The following NCOA2 variants were observed in gnomAD, a reference collection of about 807,000 sequenced individuals.
NCOA2 encodes the protein class E basic helix-loop-helix protein 75.
NCOA2 carries 21 observed loss-of-function variants against 145.1 expected under a neutral mutation model. The ratio of observed to expected loss-of-function variants is 0.14; its 90% CI spans 0.10 to 0.21. The LOEUF (loss-of-function observed/expected upper bound fraction) is 0.21. NCOA2 is among the 10% of genes least tolerant of loss of function. NCOA2 has a pLI of 1.00. For synonymous variants in NCOA2, 619 were observed against 637.5 expected (o/e 0.97, Z 0.44); for missense variants, 1,472 against 1,837.6 (o/e 0.80, Z 3.64).
intron 2 of NCOA2, among the ~76,000 whole-genome samples, chr8:70,288,537 C>T (rs1209761079): frequency 6.6e-6 from 1 of 151,538 alleles, no homozygotes; most frequent in African/African-American, 2.4e-5. Context: ...GCGGAGATTG[C>T]GCCACTGCAC....
At chr8:70,304,619 C>A (rs1827745631) in intron 1 of NCOA2, among the ~76,000 whole-genome samples, 1 of 152,004 alleles carries the variant, frequency 6.6e-6, no homozygotes, top group South Asian at 2.1e-4. Context: ...GTGCCCGCCA[C>A]CATGCCCGGC....
At chr8:70,170,890 G>A (rs1814173107) in intron 5 of NCOA2, among the ~76,000 whole-genome samples, 1 of 152,114 alleles carries the variant, frequency 6.6e-6, no homozygotes, top group African/African-American at 2.4e-5. Flanking sequence ...CGGATTATAT[G>A]AAAAACATCA....
intron 15 of NCOA2, among the ~76,000 whole-genome samples, chr8:70,137,189 G>A (rs956990235): frequency 4.6e-5 from 7 of 152,280 alleles, no homozygotes; most frequent in African/African-American, 7.2e-5. Context: ...ACAGGCATGC[G>A]CCACCACACC....
intron 4 of NCOA2, among the ~76,000 whole-genome samples, chr8:70,182,950 A>G (rs566689692): frequency 1.1e-3 from 161 of 152,352 alleles, no homozygotes; most frequent in Non-Finnish European, 1.9e-3. Context: ...CAAGTATTAA[A>G]TATTATACAT....
the NCOA2 span, among the ~76,000 whole-genome samples, chr8:70,409,526 C>G: frequency 6.6e-6 from 1 of 152,304 alleles, no homozygotes; most frequent in East Asian, 1.9e-4. Flanking sequence ...TCTTACCATA[C>G]ACAAGAATGA....
chr8:70,248,246 C>T (rs1822789863), intron 2 of NCOA2, among the ~76,000 whole-genome samples: 1 of 152,130 alleles, frequency 6.6e-6, no homozygotes, highest in East Asian at 1.9e-4. Context: ...GTGCCATATA[C>T]AGATCTAAAG....
chr8:70,159,236 A>ATACATATATATATATATATATATATG (rs1554578475), intron 10 of NCOA2, among the ~76,000 whole-genome samples: 246 of 16,052 alleles, frequency 0.015, 14 homozygotes, highest in Middle Eastern at 0.15. Flanking sequence ...ATATATATAT[A>ATACATATATATATATATATATATATG]TATATATTTT....
rs573616464 is a variant in NCOA2 at position 70,110,725 on chromosome 8, G to A, written c.*2907C>T. 37 of 221,220 alleles carry A rather than the reference G, an allele frequency of 1.7e-4. No individual in the cohort carries two copies. The highest frequency in any genetic ancestry group is 1.4e-3 in the Middle Eastern group (1 of 712). 13.7% of individuals were successfully genotyped at this position (221,220 alleles called of 1,614,324 possible). A position where few individuals can be genotyped will look rare whatever the true frequency, so the allele number is the denominator to read the frequency against. Reference sequence around the variant, plus strand: ...AAAAACATTGCTTTCAATTATTACAGGCCATAAGAGATACACATAGGGGGA... The same window carrying A: ...AAAAACATTGCTTTCAATTATTACAAGCCATAAGAGATACACATAGGGGGA... On this transcript the variant is annotated 3_prime_UTR_variant, in exon 23 of 23. Transcript: ENST00000452400.
chr8:70,433,355 AAGAG>A, the NCOA2 span, among the ~76,000 whole-genome samples: 3 of 152,160 alleles, frequency 2.0e-5, no homozygotes, highest in African/African-American at 7.2e-5. Flanking sequence ...AAAAAAAAAA[AAGAG>A]GAGTCCACTT....
Position 70,182,060 on chromosome 8 carries a change from T to C in NCOA2, c.260-7201A>G, listed in dbSNP as rs1815543407. On this transcript the variant is annotated intron_variant, in intron 4 of 22. Coordinates refer to ENST00000452400, the MANE Select transcript of NCOA2 (RefSeq NM_006540.4). The stretch of plus-strand genomic sequence containing the variant: ...CTTTGTGAAGCCAGCAGCACATTCT[T>C]ATTCATTAGGAAGCATTCTGCTAAC... 2.6e-5 allele frequency among the ~76,000 whole-genome samples: 4 copies of C among 152,368 alleles called. No individual in the cohort carries two copies. In the South Asian group the frequency reaches 8.3e-4, roughly 32 times the overall value.
chr8:70,351,718 T>C (rs1809249646), intron 1 of NCOA2, among the ~76,000 whole-genome samples: 1 of 150,328 alleles, frequency 6.7e-6, no homozygotes. Flanking sequence ...CCAGAGTAGC[T>C]AGGACTATAG....
At chr8:70,400,247 A>C (rs1485751325) in intron 1 of NCOA2, among the ~76,000 whole-genome samples, 2 of 152,200 alleles carry the variant, frequency 1.3e-5, no homozygotes, top group Non-Finnish European at 2.9e-5. Context: ...CAGTATACTG[A>C]CATCTAAAAG....
chr8:70,160,659 C>CAGAGAGAGAGAG (rs776025101), intron 9 of NCOA2, among the ~76,000 whole-genome samples: 59,736 of 131,820 alleles, frequency 0.45, 14,386 homozygotes, highest in Non-Finnish European at 0.56. Flanking sequence ...AAGTGAGAGA[C>CAGAGAGAGAGAG]AGAGAGAGAG....
At chr8:70,124,137 C>T in intron 20 of NCOA2, 55 bp from the exon 21 acceptor site, 1 of 1,519,130 alleles carries the variant, frequency 6.6e-7, no homozygotes, top group South Asian at 1.2e-5. Context: ...TATCCAGAGG[C>T]AGGCAGCTCA....
At position 70,403,686 on chromosome 8, in the gene NCOA2, G is replaced by T; in HGVS notation, c.-77+14C>A. ...CCCGCCCGCCCTCGCGGCCCCGGGG[G>T]AAGGCGCGGTTACCGGCTCGGGTCG... On this transcript the variant is annotated intron_variant, in intron 1 of 22. Coordinates refer to ENST00000452400, the MANE Select transcript of NCOA2 (RefSeq NM_006540.4). 5.1e-6 allele frequency: 2 copies of T among 389,228 alleles called. No homozygotes were observed. The highest frequency in any genetic ancestry group is 2.1e-5 in the African/African-American group (1 of 48,258). 24.1% of individuals were successfully genotyped at this position (389,228 alleles called of 1,614,324 possible).
At chr8:70,314,214 T>C (rs909936540) in intron 1 of NCOA2, among the ~76,000 whole-genome samples, 2 of 109,388 alleles carry the variant, frequency 1.8e-5, no homozygotes, top group East Asian at 3.9e-4. Context: ...AAAAAGCAAC[T>C]GTCATGTCCA....
intron 16 of NCOA2, among the ~76,000 whole-genome samples, chr8:70,131,341 GAA>G (rs1210935555): frequency 1.3e-5 from 2 of 152,220 alleles, no homozygotes; most frequent in African/African-American, 2.4e-5. Flanking sequence ...TAAAAATGAT[GAA>G]AGAGTTGCAG....
At chr8:70,330,897 T>C (rs1807038308) in intron 1 of NCOA2, among the ~76,000 whole-genome samples, 1 of 152,194 alleles carries the variant, frequency 6.6e-6, no homozygotes, top group East Asian at 1.9e-4. Flanking sequence ...TCTTCAGTTA[T>C]CTGGAAATGG....
chr8:70,220,044 A>G (rs1435902808), intron 2 of NCOA2, among the ~76,000 whole-genome samples: 1 of 152,218 alleles, frequency 6.6e-6, no homozygotes, highest in African/African-American at 2.4e-5. Context: ...GTGTATAGTC[A>G]CTCATAGAGA....
Sources: gnomAD v4.1 joint callset for allele counts (sites outside exome capture counted in the v4.1 genomes callset) on GRCh38, gnomAD v4.1.1 for gene constraint, MANE v1.5 for transcripts, NCBI Gene and HGNC (gene_info 2026-07-23, HGNC 2026-07-21) for gene names.